ULK4: variants seen among roughly 807,000 people sequenced by gnomAD.
ULK4 encodes the protein unc-51 like kinase 4, also known as inactive serine/threonine-protein kinase ULK4.
ULK4 carries 133 observed loss-of-function variants against 160.6 expected under a neutral mutation model. The ratio of observed to expected loss-of-function variants is 0.83; its 90% CI spans 0.72 to 0.96. The LOEUF is 0.96. Ranked by LOEUF, ULK4 falls within the 40% of genes least tolerant of loss-of-function variation. The pLI is 0.00. For synonymous variants in ULK4, 534 were observed against 539.8 expected, an observed-to-expected ratio of 0.99 and a Z score of 0.15; for missense variants, 1,580 against 1,499.5, an observed-to-expected ratio of 1.05 and a Z score of -0.89.
chr3:41,554,088 T>C (rs1265662793), intron 32 of ULK4, among the ~76,000 whole-genome samples: 2 of 152,148 alleles, frequency 1.3e-5, no homozygotes, highest in Non-Finnish European at 2.9e-5. Context: ...ATGTGAAATT[T>C]GTCTTCCCAT....
chr3:41,352,634 A>C (rs1230847157), intron 35 of ULK4, among the ~76,000 whole-genome samples: 1 of 152,170 alleles, frequency 6.6e-6, no homozygotes, highest in Non-Finnish European at 1.5e-5. Context: ...AGAAGCAGCC[A>C]AAAATAGTAA....
chr3:41,909,809 A>C (rs1468449378), intron 11 of ULK4, among the ~76,000 whole-genome samples: 1 of 152,204 alleles, frequency 6.6e-6, no homozygotes, highest in African/African-American at 2.4e-5. Flanking sequence ...ACATATCAGG[A>C]ATTTTATCAT....
intron 34 of ULK4, among the ~76,000 whole-genome samples, chr3:41,425,059 C>T (rs1404485464): frequency 6.6e-6 from 1 of 151,982 alleles, no homozygotes; most frequent in Non-Finnish European, 1.5e-5. Flanking sequence ...TAAAACATTA[C>T]AGGAGCTGTT....
At chr3:41,778,130 CAA>C in intron 21 of ULK4, among the ~76,000 whole-genome samples, 1 of 124,124 alleles carries the variant, frequency 8.1e-6, no homozygotes, top group East Asian at 2.0e-4. Flanking sequence ...GCAACTTCAG[CAA>C]AGTCTCAGGA....
chr3:41,870,318 G>C (rs983028002), intron 17 of ULK4, among the ~76,000 whole-genome samples: 1 of 152,124 alleles, frequency 6.6e-6, no homozygotes, highest in African/African-American at 2.4e-5. Flanking sequence ...ATCTCCTTCT[G>C]AGAGTCAAAT....
intron 21 of ULK4, among the ~76,000 whole-genome samples, chr3:41,756,438 T>C (rs1337437690): frequency 6.6e-6 from 1 of 152,232 alleles, no homozygotes; most frequent in Non-Finnish European, 1.5e-5. Flanking sequence ...TATGAGGTTC[T>C]TCATGGTCTG....
chr3:41,794,686 A>AAAAAAAAAAAAAAAAAAAAAAAAAAAAAC (rs1553654814), intron 20 of ULK4, among the ~76,000 whole-genome samples: 1 of 112,384 alleles, frequency 8.9e-6, no homozygotes, highest in African/African-American at 4.1e-5. Flanking sequence ...AAAAAAAAAA[A>AAAAAAAAAAAAAAAAAAAAAAAAAAAAAC]CACAGAAAAA....
At chr3:41,515,343 T>A (rs2085715095) in intron 32 of ULK4, among the ~76,000 whole-genome samples, 1 of 151,908 alleles carries the variant, frequency 6.6e-6, no homozygotes, top group Non-Finnish European at 1.5e-5. Context: ...AGACAAACTG[T>A]CATATATTCA....
intron 21 of ULK4, among the ~76,000 whole-genome samples, chr3:41,775,223 AAAGT>A (rs1412468666): frequency 1.0e-4 from 15 of 150,672 alleles, no homozygotes; most frequent in South Asian, 4.1e-4. Flanking sequence ...AATAATAATA[AAAGT>A]AATAAAAATA....
At position 41,677,521 on chromosome 3, in the gene ULK4, C is replaced by T. The variant is rs537863069; in HGVS notation, c.2978+3987G>A. 7.9e-5 allele frequency among the ~76,000 whole-genome samples: 12 copies of T among 151,496 alleles called. No homozygotes were observed. In the East Asian group the frequency reaches 2.4e-3, roughly 30 times the overall value. ...TAATTTTTTGTATCTTTAGTAGAGA[C>T]CAGGTTTCACCATGTTAGCCAGGAT... On this transcript the variant is annotated intron_variant, in intron 29 of 36. Coordinates refer to ENST00000301831, the MANE Select transcript of ULK4 (RefSeq NM_017886.4).
chr3:41,762,621 A>C (rs2039022155), intron 21 of ULK4, among the ~76,000 whole-genome samples: 1 of 150,534 alleles, frequency 6.6e-6, no homozygotes, highest in Admixed American at 6.6e-5. Flanking sequence ...ACCTGGTGAC[A>C]GGAGAAAGAG....
chr3:41,326,136 AG>A (rs940355613), intron 35 of ULK4, among the ~76,000 whole-genome samples: 89 of 151,204 alleles, frequency 5.9e-4, no homozygotes, highest in African/African-American at 2.0e-3. Flanking sequence ...AAGCATGGGC[AG>A]GGGGGGGCTC....
intron 35 of ULK4, among the ~76,000 whole-genome samples, chr3:41,302,076 C>A (rs555802527): frequency 9.2e-5 from 14 of 152,284 alleles, no homozygotes; most frequent in African/African-American, 3.4e-4. Context: ...TACTTACATA[C>A]AAGCACTGAG....
At chr3:41,915,938 CAAAAG>C (rs1344847452) in intron 8 of ULK4, 34 bp downstream of exon 8, 1 of 1,455,738 alleles carries the variant, frequency 6.9e-7, no homozygotes, top group Non-Finnish European at 9.4e-7. Context: ...TTGCAGAACT[CAAAAG>C]AAAAAGAAAA....
chr3:41,519,115 TTCAC>T (rs1258891605), intron 32 of ULK4, among the ~76,000 whole-genome samples: 4 of 152,146 alleles, frequency 2.6e-5, no homozygotes, highest in African/African-American at 7.2e-5. Flanking sequence ...GTACAGACCA[TTCAC>T]TCACTATGTC....
chr3:41,454,839 A>C (rs66854400), intron 34 of ULK4, among the ~76,000 whole-genome samples: 39,215 of 151,478 alleles, frequency 0.26, 6,364 homozygotes, highest in East Asian at 0.55. Context: ...ATTACAGGTG[A>C]ACACCACCAC....
At chr3:41,540,045 TA>T (rs1474563482) in intron 32 of ULK4, among the ~76,000 whole-genome samples, 1 of 152,124 alleles carries the variant, frequency 6.6e-6, no homozygotes, top group Non-Finnish European at 1.5e-5. Context: ...TGAAAATAAG[TA>T]ATTTACAGAA....
intron 27 of ULK4, among the ~76,000 whole-genome samples, chr3:41,696,120 G>C (rs377610855): frequency 6.6e-6 from 1 of 152,080 alleles, no homozygotes; most frequent in Non-Finnish European, 1.5e-5. Context: ...CCCTTTCCCC[G>C]GGGGAGTTTA....
At chr3:41,606,557 A>G (rs112438384) in intron 31 of ULK4, among the ~76,000 whole-genome samples, 2 of 152,060 alleles carry the variant, frequency 1.3e-5, no homozygotes, top group Non-Finnish European at 2.9e-5. Flanking sequence ...ACCATTTTCT[A>G]TAATGGCTGT....
Sources: allele counts gnomAD v4.1 joint callset (sites outside exome capture counted in the v4.1 genomes callset), GRCh38; gene constraint gnomAD v4.1.1; transcripts MANE v1.5; gene names NCBI Gene and HGNC (gene_info 2026-07-23, HGNC 2026-07-21).